The following DNAH7 variants were observed in gnomAD, a reference collection of about 807,000 sequenced individuals.
DNAH7 encodes the protein dynein axonemal heavy chain 7, also known as axonemal beta dynein heavy chain 7.
Under a neutral mutation model 444.6 loss-of-function variants are expected in DNAH7, and 397 were observed. The observed-to-expected ratio is 0.89, with a 90% CI of 0.82 to 0.97. The LOEUF is 0.97. Among genes scored for constraint, DNAH7 ranks in the 50% least tolerant of loss-of-function variants. The pLI, the probability that DNAH7 is intolerant of heterozygous loss-of-function variation, is 0.00. For synonymous variants in DNAH7, 1,636 were observed against 1,624.4 expected, an observed-to-expected ratio of 1.01 and a Z score of -0.17; for missense variants, 4,902 against 4,800.8, an observed-to-expected ratio of 1.02 and a Z score of -0.62.
intron 12 of DNAH7, among the ~76,000 whole-genome samples, chr2:196,000,146 T>G (rs1335742431): frequency 6.6e-6 from 1 of 152,166 alleles, no homozygotes; most frequent in Non-Finnish European, 1.5e-5. Flanking sequence ...TAAGTTATTT[T>G]AAAAATACAA....
intron 63 of DNAH7, among the ~76,000 whole-genome samples, chr2:195,750,307 A>C (rs1693720330): frequency 6.6e-6 from 1 of 152,220 alleles, no homozygotes; most frequent in Admixed American, 6.5e-5. Context: ...GCAACACAAT[A>C]GTTTGATCTT....
intron 18 of DNAH7, 62 bp from the exon 19 acceptor site, chr2:195,957,509 A>G: frequency 1.5e-6 from 2 of 1,365,074 alleles, no homozygotes; most frequent in Non-Finnish European, 2.0e-6. Context: ...TCAAATGACA[A>G]AATTCAAACC....
At chr2:195,925,664 A>G (rs995060174) in intron 22 of DNAH7, among the ~76,000 whole-genome samples, 1 of 152,208 alleles carries the variant, frequency 6.6e-6, no homozygotes, top group Non-Finnish European at 1.5e-5. Context: ...CTGTCTGTCT[A>G]CAGAGAACTT....
At chr2:195,993,815 T>C (rs1027127278) in intron 12 of DNAH7, among the ~76,000 whole-genome samples, 7 of 152,210 alleles carry the variant, frequency 4.6e-5, no homozygotes, top group African/African-American at 1.7e-4. Flanking sequence ...AAGGCATACA[T>C]TCTGTGGAGA....
intron 63 of DNAH7, among the ~76,000 whole-genome samples, chr2:195,747,003 G>C (rs1693456630): frequency 6.6e-6 from 1 of 152,012 alleles, no homozygotes; most frequent in Non-Finnish European, 1.5e-5. Context: ...AATCAGAGCA[G>C]AACTGAAGGA....
At chr2:195,988,270 AAAGT>A (rs1213012449) in intron 12 of DNAH7, 41 bp from the exon 13 acceptor site, 4 of 1,462,846 alleles carry the variant, frequency 2.7e-6, no homozygotes, top group Admixed American at 4.6e-5. Flanking sequence ...AAAATATCTT[AAAGT>A]AACTATATCA....
chr2:195,861,870 T>C lies in DNAH7; in HGVS notation c.7583A>G (p.Asp2528Gly). 4 of 1,614,032 alleles carry C rather than the reference T, an allele frequency of 2.5e-6. No homozygotes were observed. Among genetic ancestry groups the C allele is most frequent in the Non-Finnish European group, 3.4e-6 (4 of 1,179,902 alleles). ...EEIEMSEEIR[D>G]GCIDMCKSFH... ...GCTTTTACACATGTCGATACAGCCA[T>C]CTCGTATTTCCTCTGACATTTCAAT... Residue 2528 changes from aspartate to glycine, a missense_variant, in exon 42 of 65, where the codon GAT becomes GGT. Physicochemically the swap from Asp to Gly is moderately conservative, Grantham distance 94. Coordinates refer to ENST00000312428, the MANE Select transcript of DNAH7 (RefSeq NM_018897.3).
chr2:195,981,216 A>ATT (rs1692550475), intron 15 of DNAH7, among the ~76,000 whole-genome samples: 1 of 152,166 alleles, frequency 6.6e-6, no homozygotes, highest in African/African-American at 2.4e-5. Context: ...AATCTGAAAA[A>ATT]GAAATCAAGA....
rs1053452947 is a variant in DNAH7, at chr2:195,745,226, G to A, written c.11765-4357C>T. On this transcript the variant is annotated intron_variant, in intron 63 of 64. Transcript: ENST00000312428. ...GAAGAATGCAGAAGCCTCAGGAGCC[G>A]ATGCGATCAACTGGAAGAAAGGGTA... 8.3e-4 allele frequency among the ~76,000 whole-genome samples: 127 copies of A among 152,276 alleles called. 2 individuals are homozygous for A. Among genetic ancestry groups the A allele is most frequent in the African/African-American group, 2.4e-3 (99 of 41,556 alleles).
intron 30 of DNAH7, chr2:195,892,410 A>G (rs545054388): frequency 2.0e-5 from 3 of 152,114 alleles, no homozygotes; most frequent in South Asian, 4.2e-4. Flanking sequence ...TAAATTGTCA[A>G]TTTTACCCAA....
At position 195,788,109 on chromosome 2, in the gene DNAH7, C is replaced by A. The variant is rs376398784; in HGVS notation, c.10717-938G>T. ...AGCCTAAGGAGAACCCATGAAAACA[C>A]TCACAAGAGATTTCACAAAGAGCTC... On this transcript the variant is annotated intron_variant, in intron 57 of 64. Transcript: ENST00000312428. Among the ~76,000 whole-genome samples, 9 of 152,284 alleles carry A rather than the reference C, an allele frequency of 5.9e-5. 1 individual carries two copies. In the East Asian group the frequency reaches 9.7e-4, roughly 16 times the overall value.
chr2:195,750,543 A>G (rs879748014), intron 63 of DNAH7, among the ~76,000 whole-genome samples: 1 of 152,238 alleles, frequency 6.6e-6, no homozygotes, highest in Non-Finnish European at 1.5e-5. Flanking sequence ...ACTTTCGTTG[A>G]GAAATGTGAT....
chr2:195,842,172 T>A (rs1481425608), intron 47 of DNAH7, among the ~76,000 whole-genome samples: 1 of 152,086 alleles, frequency 6.6e-6, no homozygotes, highest in Non-Finnish European at 1.5e-5. Flanking sequence ...AGCTGTTAAA[T>A]AATCCTAATC....
intron 52 of DNAH7, among the ~76,000 whole-genome samples, chr2:195,809,370 G>T (rs1361756091): frequency 6.6e-6 from 1 of 152,060 alleles, no homozygotes; most frequent in African/African-American, 2.4e-5. Context: ...TCTTAAACAC[G>T]TAAGTGTATA....
At chr2:195,828,369 G>A (rs1697886289) in intron 48 of DNAH7, among the ~76,000 whole-genome samples, 1 of 152,004 alleles carries the variant, frequency 6.6e-6, no homozygotes, top group South Asian at 2.1e-4. Flanking sequence ...CGGATCATGA[G>A]GTCAGGACAT....
intron 19 of DNAH7, among the ~76,000 whole-genome samples, chr2:195,950,721 G>A (rs1690169886): frequency 3.3e-5 from 5 of 151,380 alleles, no homozygotes; most frequent in South Asian, 2.1e-4. Flanking sequence ...GCGTGGTGGC[G>A]GGTGCCTGTA....
At chr2:196,051,611 C>CA (rs1476899560) in intron 2 of DNAH7, among the ~76,000 whole-genome samples, 6 of 151,764 alleles carry the variant, frequency 4.0e-5, no homozygotes, top group Non-Finnish European at 8.8e-5. Flanking sequence ...ACTAAAAATA[C>CA]AAAAAATTAG....
chr2:195,919,393 G>A (rs1216154791), intron 24 of DNAH7, among the ~76,000 whole-genome samples: 1 of 152,052 alleles, frequency 6.6e-6, no homozygotes, highest in African/African-American at 2.4e-5. Flanking sequence ...CACCCAGGCT[G>A]GAGTGCAGTG....
chr2:195,745,873 C>G (rs531065158), intron 63 of DNAH7, among the ~76,000 whole-genome samples: 1 of 152,136 alleles, frequency 6.6e-6, no homozygotes. Flanking sequence ...AAAGAACAAC[C>G]GGTACCAGCC....
Sources: gnomAD v4.1 joint callset for allele counts (sites outside exome capture counted in the v4.1 genomes callset) on GRCh38, gnomAD v4.1.1 for gene constraint, MANE v1.5 for transcripts, NCBI Gene and HGNC (gene_info 2026-07-23, HGNC 2026-07-21) for gene names.